The following ERBB4 variants were observed in gnomAD, a reference collection of about 807,000 sequenced individuals.
ERBB4 encodes receptor tyrosine-protein kinase erbB-4.
ERBB4 carries 42 observed loss-of-function variants against 158.0 expected under a neutral mutation model. The observed-to-expected ratio is 0.27, with a 90% CI of 0.21 to 0.34. The LOEUF is 0.34. Among genes scored for constraint, ERBB4 ranks in the 10% least tolerant of loss-of-function variants. The probability of loss-of-function intolerance (pLI) is 1.00; values close to 1 mark genes in which losing one functional copy is unlikely to be tolerated. For synonymous variants in ERBB4, 583 were observed against 558.7 expected (o/e 1.04, Z -0.61); for missense variants, 1,333 against 1,624.1 (o/e 0.82, Z 3.08).
At chr2:211,537,054 TCAAA>T (rs1318154310) in intron 20 of ERBB4, among the ~76,000 whole-genome samples, 1 of 136,044 alleles carries the variant, frequency 7.4e-6, no homozygotes, top group Non-Finnish European at 1.6e-5. Flanking sequence ...TGCAAAATAT[TCAAA>T]CAAAGTAAGA....
At chr2:211,513,345 G>A (rs1289860562) in intron 20 of ERBB4, among the ~76,000 whole-genome samples, 1 of 114,956 alleles carries the variant, frequency 8.7e-6, no homozygotes, top group Non-Finnish European at 1.6e-5. Context: ...GCGACAGAGC[G>A]AGACTCCGTC....
chr2:211,474,555 T>C (rs114966741), intron 20 of ERBB4, among the ~76,000 whole-genome samples: 3,367 of 152,188 alleles, frequency 0.022, 137 homozygotes, highest in African/African-American at 0.076. Context: ...CTCTTGCATA[T>C]GGTAGTTCCA....
chr2:212,434,092 C>T (rs2092086397), intron 1 of ERBB4, among the ~76,000 whole-genome samples: 3 of 151,956 alleles, frequency 2.0e-5, no homozygotes, highest in Admixed American at 2.0e-4. Flanking sequence ...TGTTTCAGAT[C>T]ATTTTACCCC....
chr2:212,131,756 A>G (rs776858052), intron 1 of ERBB4, among the ~76,000 whole-genome samples: 6 of 152,294 alleles, frequency 3.9e-5, no homozygotes, highest in African/African-American at 1.2e-4. Flanking sequence ...ATGAAATTCA[A>G]TGGAAAACTA....
intron 6 of ERBB4, among the ~76,000 whole-genome samples, chr2:211,723,427 C>T (rs542619668): frequency 9.2e-4 from 140 of 152,158 alleles, no homozygotes; most frequent in Admixed American, 2.2e-3. Flanking sequence ...CAAGCTAATA[C>T]GAACTCAAGC....
intron 2 of ERBB4, among the ~76,000 whole-genome samples, chr2:212,052,940 G>C (rs1029102596): frequency 6.6e-6 from 1 of 152,170 alleles, no homozygotes. Flanking sequence ...GACAATACTT[G>C]TTGTCTCAGT....
intron 3 of ERBB4, among the ~76,000 whole-genome samples, chr2:211,937,099 T>A (rs2080345447): frequency 6.6e-6 from 1 of 152,214 alleles, no homozygotes; most frequent in African/African-American, 2.4e-5. Context: ...GTTTTGGATC[T>A]AATATCTTTA....
At chr2:212,466,427 C>G (rs1267506363) in intron 1 of ERBB4, among the ~76,000 whole-genome samples, 1 of 152,166 alleles carries the variant, frequency 6.6e-6, no homozygotes, top group African/African-American at 2.4e-5. Flanking sequence ...TGGAAGGGAC[C>G]TGGTGGGAGA....
intron 3 of ERBB4, among the ~76,000 whole-genome samples, chr2:211,853,316 T>C (rs749433704): frequency 6.6e-6 from 1 of 152,170 alleles, no homozygotes; most frequent in African/African-American, 2.4e-5. Flanking sequence ...GTTGCCTTTC[T>C]TTTAACTGGG....
intron 2 of ERBB4, among the ~76,000 whole-genome samples, chr2:212,103,999 T>C (rs542616636): frequency 5.3e-5 from 8 of 152,202 alleles, no homozygotes; most frequent in African/African-American, 1.2e-4. Context: ...TCCTTAAGAA[T>C]TGGGAAGGAA....
intron 20 of ERBB4, among the ~76,000 whole-genome samples, chr2:211,442,022 G>A (rs1240265418): frequency 6.6e-6 from 1 of 151,886 alleles, no homozygotes; most frequent in African/African-American, 2.4e-5. Flanking sequence ...CAACAGACAT[G>A]CACATACACT....
intron 9 of ERBB4, among the ~76,000 whole-genome samples, chr2:211,709,341 G>T (rs11885937): frequency 1.4e-5 from 2 of 146,304 alleles, no homozygotes; most frequent in African/African-American, 5.1e-5. Context: ...ATAACTAGTA[G>T]AAATCTAGAG....
chr2:212,317,083 T>A (rs898435647), intron 1 of ERBB4, among the ~76,000 whole-genome samples: 2 of 151,530 alleles, frequency 1.3e-5, no homozygotes, highest in Admixed American at 1.3e-4. Context: ...ACTAAAAATG[T>A]AAAATTGTTG....
At chr2:212,400,981 T>G (rs2091187649) in intron 1 of ERBB4, among the ~76,000 whole-genome samples, 1 of 152,172 alleles carries the variant, frequency 6.6e-6, no homozygotes. Context: ...GCTAGCTGAA[T>G]CTGAAGTAAA....
intron 1 of ERBB4, among the ~76,000 whole-genome samples, chr2:212,386,585 A>C (rs942324753): frequency 6.6e-6 from 1 of 151,810 alleles, no homozygotes; most frequent in African/African-American, 2.4e-5. Flanking sequence ...AAAAAAAAAA[A>C]AAAACCCATT....
chr2:212,525,982 G>T (rs1432032523), intron 1 of ERBB4, among the ~76,000 whole-genome samples: 1 of 151,844 alleles, frequency 6.6e-6, no homozygotes, highest in South Asian at 2.1e-4. Context: ...TGACATACAG[G>T]TATTTTATTT....
At chr2:211,997,059 G>T (rs954310) in intron 2 of ERBB4, among the ~76,000 whole-genome samples, 54,656 of 151,998 alleles carry the variant, frequency 0.36, 11,676 homozygotes, top group Non-Finnish European at 0.5. Context: ...CAGAAGGTCT[G>T]CAACTTTCAC....
At chr2:211,928,631 A>G (rs113046467) in intron 3 of ERBB4, among the ~76,000 whole-genome samples, 17 of 152,294 alleles carry the variant, frequency 1.1e-4, no homozygotes, top group African/African-American at 3.8e-4. Flanking sequence ...ACTGTCTGTT[A>G]TGAATACTAA....
intron 2 of ERBB4, among the ~76,000 whole-genome samples, chr2:211,950,246 A>G (rs978754924): frequency 2.6e-5 from 4 of 152,156 alleles, no homozygotes; most frequent in African/African-American, 9.7e-5. Flanking sequence ...ACATTTAGGA[A>G]GGAATAGGTG....
Sources: allele counts gnomAD v4.1 joint callset (sites outside exome capture counted in the v4.1 genomes callset), GRCh38; gene constraint gnomAD v4.1.1; transcripts MANE v1.5; gene names NCBI Gene and HGNC (gene_info 2026-07-23, HGNC 2026-07-21).